Variants in CORO7 observed in about 807,000 individuals in gnomAD.
CORO7 encodes coronin 7.
Under a neutral mutation model 126.6 loss-of-function variants are expected in CORO7, and 107 were observed. The observed-to-expected ratio is 0.85, with a 90% CI of 0.72 to 0.99. CORO7 has a LOEUF of 0.99. Ranked by LOEUF, CORO7 falls within the 50% of genes least tolerant of loss-of-function variation. The pLI is 0.00. For synonymous variants in CORO7, 603 were observed against 536.8 expected, an observed-to-expected ratio of 1.12 and a Z score of -1.70; for missense variants, 1,314 against 1,255.8, an observed-to-expected ratio of 1.05 and a Z score of -0.70.
chr16:4,414,273 G>C (rs1046944649), intron 1 of CORO7: 1 of 151,912 alleles, frequency 6.6e-6, no homozygotes, highest in Admixed American at 6.5e-5. Context: ...CTCAGAGAGG[G>C]GAACCACCAA....
At chr16:4,407,133 AGACG>A (rs2056029698) in intron 5 of CORO7, among the ~76,000 whole-genome samples, 1 of 151,090 alleles carries the variant, frequency 6.6e-6, no homozygotes, top group African/African-American at 2.4e-5. Context: ...TATTTAGTAG[AGACG>A]GGGTTTTGCC....
intron 2 of CORO7, 170 bp from the exon 3 acceptor site, chr16:4,412,600 TG>T: frequency 1.5e-6 from 1 of 657,338 alleles, no homozygotes; most frequent in Non-Finnish European, 2.6e-6. Context: ...GGGTAGGTTC[TG>T]GCCCCATGCA....
Position 4,359,649 on chromosome 16 carries a change from G to A in CORO7, c.2109-28C>T, listed in dbSNP as rs765947935. On this transcript the variant is annotated intron_variant, in intron 21 of 27. Transcript: ENST00000251166. ...GCAAGGGGGTTTGGGGGCTGAAGCA[G>A]GTGTTTCAGAGCTGAAGGGGCCTGG... is the stretch of plus-strand genomic sequence containing the variant. 8 of 1,570,058 alleles carry A rather than the reference G, an allele frequency of 5.1e-6. No individual in the cohort carries two copies. In the Admixed American group the frequency reaches 1.2e-4, roughly 24 times the overall value.
In CORO7 at chr16:4,361,229, G is replaced by A; in HGVS notation, c.1707C>T (p.Ile569=). 6.2e-7 allele frequency: 1 copy of A among 1,612,690 alleles called. No homozygotes were observed. The highest frequency in any genetic ancestry group is 8.5e-7 in the Non-Finnish European group (1 of 1,179,994). ...CCTCTGCGGGTACCCGCCACAGTCG[G>A]ATCCTGGCGTCCTCACCAGCTGCAG... is the stretch of plus-strand genomic sequence containing the variant. The part of the protein sequence containing the change: ...RLAVAGEDAR[I]RLWRVPAEGL... Residue 569 remains isoleucine (I), a synonymous_variant, in exon 18 of 28, where the codon ATC becomes ATT. Transcript: ENST00000251166.
intron 4 of CORO7, 104 bp downstream of exon 4, chr16:4,408,077 T>TG: frequency 6.5e-7 from 1 of 1,548,320 alleles, no homozygotes; most frequent in Non-Finnish European, 8.8e-7. Flanking sequence ...GGGGTGGGGC[T>TG]GGACTGGGAG....
intron 9 of CORO7, among the ~76,000 whole-genome samples, chr16:4,378,859 G>C (rs1355630085): frequency 6.6e-6 from 1 of 152,060 alleles, no homozygotes; most frequent in African/African-American, 2.4e-5. Context: ...CCTCTGAAGG[G>C]TGCTTGTTGT....
chr16:4,395,281 C>T lies in CORO7; in HGVS notation c.615+8G>A. 2 of 1,614,066 alleles carry T rather than the reference C, an allele frequency of 1.2e-6. No homozygotes were observed. Among genetic ancestry groups the T allele is most frequent in the Non-Finnish European group, 8.5e-7 (1 of 1,180,002 alleles). On this transcript the variant is annotated splice_region_variant and intron_variant, in intron 7 of 27. Coordinates refer to ENST00000251166, the MANE Select transcript of CORO7 (RefSeq NM_024535.5). The stretch of plus-strand genomic sequence containing the variant: ...TTCAACCCACCCCAGCTTGCCCACA[C>T]AACTCACCTGAGAGGCCCGCGGCTT...
At chr16:4,356,909 A>G (rs1216544693) in intron 26 of CORO7, 34 of 549,352 alleles carry the variant, frequency 6.2e-5, no homozygotes, top group South Asian at 1.2e-4. Flanking sequence ...CAAGGTCCCA[A>G]AAGCACTTGG....
At chr16:4,381,938 C>A (rs1382467760) in intron 9 of CORO7, 2 of 1,607,716 alleles carry the variant, frequency 1.2e-6, no homozygotes, top group African/African-American at 2.7e-5. Flanking sequence ...GCCACCACCA[C>A]CACAGCCACA....
chr16:4,357,777 G>A (rs1192478670), intron 25 of CORO7, 191 bp downstream of exon 25: 1 of 960,748 alleles, frequency 1.0e-6, no homozygotes, highest in Non-Finnish European at 1.5e-6. Context: ...TAGGGGTGGG[G>A]ACCTGTGATG....
rs902161027 is a variant in CORO7 at position 4,407,391 on chromosome 16, A to T, written c.487+110T>A. Reference sequence around the variant, plus strand: ...AAGACTTTTATACTATGTAAGTGTAAAACTTTGATATCTGTTTTTAAATTT... The same window carrying T: ...AAGACTTTTATACTATGTAAGTGTATAACTTTGATATCTGTTTTTAAATTT... On this transcript the variant is annotated intron_variant, in intron 5 of 27. Coordinates refer to ENST00000251166, the MANE Select transcript of CORO7 (RefSeq NM_024535.5). 3.0e-6 allele frequency: 4 copies of T among 1,324,772 alleles called. No homozygotes were observed. In the African/African-American group the frequency reaches 4.5e-5, roughly 15 times the overall value. The allele number at this position is 1,324,772 out of a possible 1,614,324, so 82.1% of individuals were successfully genotyped here. A position where few individuals can be genotyped will look rare whatever the true frequency, so the allele number is the denominator to read the frequency against.
At position 4,364,868 on chromosome 16, in the gene CORO7, C is replaced by A; in HGVS notation, c.951G>T (p.Arg317=). 2 of 1,611,900 alleles carry A rather than the reference C, an allele frequency of 1.2e-6. No individual in the cohort carries two copies. The highest frequency in any genetic ancestry group is 1.7e-6 in the Non-Finnish European group (2 of 1,179,674). ...SVLRGAALVP[R]QALAVMSCEV... ...CGCAGCTCATGACGGCCAGCGCCTG[C>A]CGGGGCACAAGGGCAGCCCCACGCA... The change falls in exon 12 of 28, where the codon CGG becomes CGT. Residue 317 remains arginine, a synonymous_variant. Transcript: ENST00000251166.
At chr16:4,380,269 C>T (rs1054169964) in intron 9 of CORO7, among the ~76,000 whole-genome samples, 2 of 152,208 alleles carry the variant, frequency 1.3e-5, no homozygotes, top group African/African-American at 2.4e-5. Flanking sequence ...GGAACCTTCC[C>T]GCCGGCCACT....
chr16:4,359,285 G>C lies in CORO7; in HGVS notation c.2340+11C>G. 2 of 1,593,950 alleles carry C rather than the reference G, an allele frequency of 1.3e-6. No individual in the cohort carries two copies. The highest frequency in any genetic ancestry group is 1.7e-6 in the Non-Finnish European group (2 of 1,171,286). ...GGTCCCATCGGGGACGAGGCGCCAGGGTGGCCTCACCTTGTGGGGGTCAGG... is the reference window on the plus strand; with the variant it reads ...GGTCCCATCGGGGACGAGGCGCCAGCGTGGCCTCACCTTGTGGGGGTCAGG... On this transcript the variant is annotated intron_variant, in intron 23 of 27. Coordinates refer to ENST00000251166, the MANE Select transcript of CORO7 (RefSeq NM_024535.5).
chr16:4,369,337 C>G (rs2054445821), intron 9 of CORO7, among the ~76,000 whole-genome samples: 2 of 152,358 alleles, frequency 1.3e-5, no homozygotes, highest in East Asian at 3.9e-4. Flanking sequence ...CAAGCTGGGT[C>G]TGGGTCTGGA....
intron 9 of CORO7, among the ~76,000 whole-genome samples, chr16:4,378,494 T>C (rs74003288): frequency 0.015 from 2,327 of 152,190 alleles, 53 homozygotes; most frequent in African/African-American, 0.053. Context: ...TGGGGGTCAC[T>C]CACAGCCCAC....
intron 9 of CORO7, among the ~76,000 whole-genome samples, chr16:4,386,683 T>C (rs1346607151): frequency 1.3e-5 from 2 of 152,166 alleles, no homozygotes; most frequent in African/African-American, 4.8e-5. Flanking sequence ...ACCCTCCATA[T>C]GGCTTCAGGG....
At chr16:4,385,289 C>G (rs2055156775) in intron 9 of CORO7, among the ~76,000 whole-genome samples, 1 of 152,138 alleles carries the variant, frequency 6.6e-6, no homozygotes, top group Non-Finnish European at 1.5e-5. Flanking sequence ...ACAACATGCT[C>G]ACAGTAAGTG....
intron 9 of CORO7, among the ~76,000 whole-genome samples, chr16:4,380,087 ACT>A (rs1283614137): frequency 2.0e-5 from 3 of 148,672 alleles, no homozygotes; most frequent in Non-Finnish European, 4.5e-5. Flanking sequence ...TAGATGAATG[ACT>A]CTGCAGAGTT....
Sources: allele counts gnomAD v4.1 joint callset (sites outside exome capture counted in the v4.1 genomes callset), GRCh38; gene constraint gnomAD v4.1.1; transcripts MANE v1.5; gene names NCBI Gene and HGNC (gene_info 2026-07-23, HGNC 2026-07-21).